SGPL1: variants seen among roughly 807,000 people sequenced by gnomAD.
The protein encoded by SGPL1 is sphingosine-1-phosphate lyase 1.
Under a neutral mutation model 68.9 loss-of-function variants are expected in SGPL1, and 37 were observed. That is an observed-to-expected ratio of 0.54 (90% CI 0.41 to 0.71). SGPL1 has a LOEUF of 0.71. SGPL1 is among the 30% of genes least tolerant of loss of function. The pLI is 0.00. For missense variants in SGPL1, 551 were observed against 704.6 expected, an observed-to-expected ratio of 0.78 and a Z score of 2.47; for synonymous variants, 236 against 248.5, an observed-to-expected ratio of 0.95 and a Z score of 0.47.
At chr10:70,833,356 A>G (rs757784294) in intron 2 of SGPL1, among the ~76,000 whole-genome samples, 3 of 152,144 alleles carry the variant, frequency 2.0e-5, no homozygotes, top group Non-Finnish European at 2.9e-5. Context: ...TTTTGGGGGA[A>G]GTATGTGGTT....
chr10:70,858,607 CT>C (rs1156814361), intron 6 of SGPL1, among the ~76,000 whole-genome samples: 17 of 152,190 alleles, frequency 1.1e-4, no homozygotes, highest in Non-Finnish European at 2.2e-4. Context: ...TGCTTAAAAT[CT>C]TTCAGTAGCT....
chr10:70,854,147 G>T (rs897447191), intron 4 of SGPL1, among the ~76,000 whole-genome samples: 1 of 152,024 alleles, frequency 6.6e-6, no homozygotes, highest in Admixed American at 6.6e-5. Context: ...CAGAGAAAAG[G>T]GTTATGGGGA....
intron 3 of SGPL1, among the ~76,000 whole-genome samples, chr10:70,846,382 T>G (rs1845792634): frequency 1.6e-4 from 1 of 6,246 alleles, no homozygotes; most frequent in Non-Finnish European, 7.5e-4. Context: ...TTTTTTAACT[T>G]TTCATTAAAA....
At chr10:70,851,652 G>C (rs1454871853) in intron 4 of SGPL1, among the ~76,000 whole-genome samples, 1 of 152,146 alleles carries the variant, frequency 6.6e-6, no homozygotes, top group African/African-American at 2.4e-5. Flanking sequence ...CTGACTTTAG[G>C]TATTTATCTA....
chr10:70,866,184 C>T (rs1251946409), intron 7 of SGPL1: 6 of 151,980 alleles, frequency 3.9e-5, no homozygotes, highest in East Asian at 1.9e-4. Flanking sequence ...CCCAGGAATT[C>T]GAGACCAGCC....
intron 3 of SGPL1, 107 bp downstream of exon 3, chr10:70,844,745 G>T: frequency 2.7e-6 from 3 of 1,123,004 alleles, no homozygotes; most frequent in Admixed American, 2.2e-5. Flanking sequence ...TTTTTTGTTT[G>T]TTTGTTTGTT....
rs1036551987 is a variant in SGPL1 at position 70,878,727 on chromosome 10, T to G, written c.*1392T>G. 6.6e-6 allele frequency: 1 copy of G among 152,130 alleles called. No homozygotes were observed. The highest frequency in any genetic ancestry group is 2.4e-5 in the African/African-American group (1 of 41,428). The allele number at this position is 152,130 out of a possible 1,614,324, so 9.4% of individuals were successfully genotyped here. On this transcript the variant is annotated 3_prime_UTR_variant, in exon 15 of 15. Transcript: ENST00000373202. ...AAAGAGCACCCGTAGCAAGGAAAAT[T>G]TTCTCTATTAGTGTGTTCTTCTGCC... is the stretch of plus-strand genomic sequence containing the variant.
At chr10:70,845,755 A>T (rs1845783355) in intron 3 of SGPL1, among the ~76,000 whole-genome samples, 2 of 151,588 alleles carry the variant, frequency 1.3e-5, no homozygotes, top group African/African-American at 4.8e-5. Flanking sequence ...GTTCTATAAC[A>T]CTCCCCTGCA....
chr10:70,857,719 G>T, intron 6 of SGPL1, 29 bp downstream of exon 6: 1 of 1,505,776 alleles, frequency 6.6e-7, no homozygotes, highest in Admixed American at 1.9e-5. Flanking sequence ...AGGGAAGCCT[G>T]TGAGGTCTGT....
At chr10:70,870,488 A>T (rs1363189398) in intron 9 of SGPL1, among the ~76,000 whole-genome samples, 1 of 135,614 alleles carries the variant, frequency 7.4e-6, no homozygotes, top group Admixed American at 7.8e-5. Flanking sequence ...AGCTTGGGTG[A>T]CAGAGCAAGA....
At chr10:70,875,353 A>ATTTACTGTG in intron 12 of SGPL1, 49 bp from the exon 13 acceptor site, 1 of 1,210,152 alleles carries the variant, frequency 8.3e-7, no homozygotes, top group Non-Finnish European at 1.2e-6. Flanking sequence ...AGGGGATTGT[A>ATTTACTGTG]TGTGACTGAA....
At position 70,855,168 on chromosome 10, in the gene SGPL1, C is replaced by T. The variant is rs144820687; in HGVS notation, c.409+313C>T. On this transcript the variant is annotated intron_variant, in intron 5 of 14. Coordinates refer to ENST00000373202, the MANE Select transcript of SGPL1 (RefSeq NM_003901.4). ...ATGTAATACAAATGAAATACAGATC[C>T]ATGTAAAAATGTGAAATCTGCATAA... Among the ~76,000 whole-genome samples, 458 of 152,142 alleles carry T rather than the reference C, an allele frequency of 3.0e-3. 1 individual carries two copies. The highest frequency in any genetic ancestry group is 5.4e-3 in the Non-Finnish European group (365 of 67,978).
At chr10:70,824,762 A>G (rs1845401799) in intron 2 of SGPL1, among the ~76,000 whole-genome samples, 1 of 152,184 alleles carries the variant, frequency 6.6e-6, no homozygotes, top group Non-Finnish European at 1.5e-5. Context: ...CTTAATGTAG[A>G]CAGGAGAAGA....
At chr10:70,833,561 T>C (rs527745948) in intron 2 of SGPL1, among the ~76,000 whole-genome samples, 7 of 152,218 alleles carry the variant, frequency 4.6e-5, no homozygotes, top group Non-Finnish European at 1.0e-4. Context: ...ATAAAGACAA[T>C]AGTATTTTCT....
Position 70,859,510 on chromosome 10 carries a change from GC to G in SGPL1, c.615+12del. The G allele has an allele frequency of 7.0e-7, 1 of 1,430,450 alleles. No homozygotes were observed. Among genetic ancestry groups the G allele is most frequent in the East Asian group, 2.7e-5 (1 of 36,484 alleles). 88.6% of individuals were successfully genotyped at this position (1,430,450 alleles called of 1,614,324 possible). On this transcript the variant is annotated intron_variant, in intron 7 of 14. Transcript: ENST00000373202. ...GATTCGTGTGGATGTGTAAGTATAT[GC>G]AAGGGGCATCCAATAGCCTTATTTT...
chr10:70,828,302 A>G, intron 2 of SGPL1, among the ~76,000 whole-genome samples: 1 of 152,218 alleles, frequency 6.6e-6, no homozygotes, highest in East Asian at 1.9e-4. Flanking sequence ...GAAGTTGTAT[A>G]GGCACTTTTA....
chr10:70,850,830 C>T (rs2131896095), intron 3 of SGPL1, among the ~76,000 whole-genome samples: 1 of 143,828 alleles, frequency 7.0e-6, no homozygotes, highest in South Asian at 2.1e-4. Context: ...AAGAATATAG[C>T]TTTACTGTTG....
intron 12 of SGPL1, 110 bp from the exon 13 acceptor site, chr10:70,875,292 A>T (rs1209167330): frequency 1.4e-6 from 1 of 690,606 alleles, no homozygotes; most frequent in Non-Finnish European, 2.5e-6. Flanking sequence ...CCAAAGGGTT[A>T]GATTGCATTC....
intron 2 of SGPL1, 111 bp downstream of exon 2, chr10:70,816,991 A>T: frequency 9.4e-7 from 1 of 1,062,624 alleles, no homozygotes; most frequent in Non-Finnish European, 1.5e-6. Context: ...TTGGTAGCTG[A>T]GCGTTTTGCC....
Sources: allele counts gnomAD v4.1 joint callset (sites outside exome capture counted in the v4.1 genomes callset), GRCh38; gene constraint gnomAD v4.1.1; transcripts MANE v1.5; gene names NCBI Gene and HGNC (gene_info 2026-07-23, HGNC 2026-07-21).